The following PXDN variants were observed in gnomAD, a reference collection of about 807,000 sequenced individuals.
The protein encoded by PXDN is peroxidasin, also known as peroxidasin homolog.
A neutral mutation model predicts 140.3 loss-of-function variants in PXDN; 77 were observed. The ratio of observed to expected loss-of-function variants is 0.55; its 90% CI spans 0.46 to 0.66. The LOEUF (loss-of-function observed/expected upper bound fraction) is 0.66. Ranked by LOEUF, PXDN falls within the 30% of genes least tolerant of loss-of-function variation. The probability of loss-of-function intolerance (pLI) is 0.00; values close to 1 mark genes in which losing one functional copy is unlikely to be tolerated. For synonymous variants in PXDN, 911 were observed against 857.4 expected (o/e 1.06, Z -1.09); for missense variants, 1,838 against 2,039.5 (o/e 0.90, Z 1.90).
Position 1,639,524 on chromosome 2 carries a change from G to A in PXDN, c.3953-102C>T, listed in dbSNP as rs1028942980. The A allele has an allele frequency of 2.5e-5, 39 of 1,551,248 alleles. No homozygotes were observed. Among genetic ancestry groups the A allele is most frequent in the Non-Finnish European group, 3.2e-5 (37 of 1,138,752 alleles). On this transcript the variant is annotated intron_variant, in intron 19 of 22. Transcript: ENST00000252804. This position sits in a 1 kb window ranked among gnomAD's most constrained non-coding sequence, Gnocchi z 5.0. ...ATGAAGTCTTCACTGGCTGCCCGTGGAACAAACTGTGGCACATTTCAGTGA... is the reference window on the plus strand; with the variant it reads ...ATGAAGTCTTCACTGGCTGCCCGTGAAACAAACTGTGGCACATTTCAGTGA...
At chr2:1,679,098 G>GCATGCA (rs1294727711) in intron 7 of PXDN, among the ~76,000 whole-genome samples, 6 of 151,416 alleles carry the variant, frequency 4.0e-5, no homozygotes, top group Non-Finnish European at 8.9e-5. Context: ...ATGTGTGTGT[G>GCATGCA]TGTGTGTGTG....
At chr2:1,742,528 G>C (rs984323383) in intron 1 of PXDN, among the ~76,000 whole-genome samples, 2 of 152,184 alleles carry the variant, frequency 1.3e-5, no homozygotes, top group Non-Finnish European at 2.9e-5. Context: ...TGTGTCCTAC[G>C]ACACTTATTT....
At chr2:1,661,906 GA>G (rs1379938813) in intron 13 of PXDN, among the ~76,000 whole-genome samples, 165 bp downstream of exon 13, 1 of 152,198 alleles carries the variant, frequency 6.6e-6, no homozygotes, top group Non-Finnish European at 1.5e-5. Flanking sequence ...GTCTATAGAG[GA>G]AGTGGGCAGG....
At chr2:1,635,639 G>T in intron 21 of PXDN, 118 bp from the exon 22 acceptor site, 1 of 810,998 alleles carries the variant, frequency 1.2e-6, no homozygotes, top group Admixed American at 2.0e-5. Flanking sequence ...CATTTGAGGG[G>T]AATATTTCTG....
At chr2:1,713,072 A>T (rs1366371931) in intron 1 of PXDN, among the ~76,000 whole-genome samples, 1 of 152,080 alleles carries the variant, frequency 6.6e-6, no homozygotes, top group Non-Finnish European at 1.5e-5. Flanking sequence ...TACTCCTTTA[A>T]TTAAAAGTAA....
rs535986217 is a variant in PXDN at position 1,714,960 on chromosome 2, C to T, written c.201-21826G>A. Among the ~76,000 whole-genome samples the T allele has an allele frequency of 3.9e-5, 6 of 152,164 alleles. No individual in the cohort carries two copies. The East Asian group carries it at 1.2e-3, about 29-fold the overall frequency. On this transcript the variant is annotated intron_variant, in intron 1 of 22. Transcript: ENST00000252804. The surrounding 1 kb of genome is among the most constrained non-coding windows in gnomAD (Gnocchi z 4.3). ...TCTTTTGGGAGCATCAGGTTTTAGG[C>T]GACATATGAACACGCCACCCATTAA...
chr2:1,695,441 AGAGAGGTG>A lies in PXDN; in HGVS notation c.201-2315_201-2308del, dbSNP rs1356096285. 6.2e-4 allele frequency among the ~76,000 whole-genome samples: 76 copies of A among 122,678 alleles called. 4 individuals are homozygous for A. Among genetic ancestry groups the A allele is most frequent in the Non-Finnish European group, 2.1e-4 (12 of 57,038 alleles). The allele number at this position is 122,678 out of a possible 152,430, so 80.5% of individuals were successfully genotyped here. A position where few individuals can be genotyped will look rare whatever the true frequency, so the allele number is the denominator to read the frequency against. The stretch of plus-strand genomic sequence containing the variant: ...CACAGGCCCCTGTGCCCTGCTGGAC[AGAGAGGTG>A]CTGTCCCATCCACAGGCCCCTGTGC... On this transcript the variant is annotated intron_variant, in intron 1 of 22. Coordinates refer to ENST00000252804, the MANE Select transcript of PXDN (RefSeq NM_012293.3).
At chr2:1,737,993 G>A (rs544963914) in intron 1 of PXDN, among the ~76,000 whole-genome samples, 2 of 152,304 alleles carry the variant, frequency 1.3e-5, no homozygotes, top group East Asian at 3.9e-4. Context: ...GTCACATGCA[G>A]GTGGTCTGGC....
intron 17 of PXDN, among the ~76,000 whole-genome samples, chr2:1,645,273 G>C (rs1209739444): frequency 6.6e-6 from 1 of 152,080 alleles, no homozygotes; most frequent in African/African-American, 2.4e-5. Context: ...AAAAAACTTA[G>C]GTTTATGTGT....
At chr2:1,728,170 T>G (rs1477316944) in intron 1 of PXDN, among the ~76,000 whole-genome samples, 1 of 152,160 alleles carries the variant, frequency 6.6e-6, no homozygotes, top group Non-Finnish European at 1.5e-5. Flanking sequence ...AATCCCGAGC[T>G]CAAGAGATCC....
chr2:1,684,636 A>G (rs1684007733), intron 4 of PXDN, among the ~76,000 whole-genome samples: 2 of 152,186 alleles, frequency 1.3e-5, no homozygotes, highest in Admixed American at 6.5e-5. Context: ...CTTCAAGACC[A>G]CAAAGGAAAC....
rs1041868749 is a variant in PXDN, at chr2:1,692,695, A to C, written c.272+368T>G. 3.5e-5 allele frequency: 16 copies of C among 453,404 alleles called. No individual in the cohort carries two copies. The Admixed American group carries it at 3.6e-4, about 10-fold the overall frequency. The allele number at this position is 453,404 out of a possible 1,614,324, so 28.1% of individuals were successfully genotyped here. A position where few individuals can be genotyped will look rare whatever the true frequency, so the allele number is the denominator to read the frequency against. On this transcript the variant is annotated intron_variant, in intron 2 of 22. Coordinates refer to ENST00000252804, the MANE Select transcript of PXDN (RefSeq NM_012293.3). ...CACTTAAGTCCACTCCACACTCAGA[A>C]GAAGCACTGTCCTGCTCAATCTTGC...
At chr2:1,665,445 T>C (rs1258411586) in intron 10 of PXDN, among the ~76,000 whole-genome samples, 1 of 152,238 alleles carries the variant, frequency 6.6e-6, no homozygotes, top group Non-Finnish European at 1.5e-5. Flanking sequence ...TGCCATCTGG[T>C]ATAGCTGTGT....
rs188603391 is a variant in PXDN, at chr2:1,720,541, C to T, written c.200+23715G>A. The stretch of plus-strand genomic sequence containing the variant: ...AGTCTGCAGGGAGTGCCTCGCTCCA[C>T]GCTTTCTCACACCACCTGCTCCAGA... On this transcript the variant is annotated intron_variant, in intron 1 of 22. Transcript: ENST00000252804. Among the ~76,000 whole-genome samples the T allele has an allele frequency of 3.9e-5, 6 of 152,128 alleles. No homozygotes were observed. In the East Asian group the frequency reaches 5.8e-4, roughly 15 times the overall value.
chr2:1,653,161 T>C (rs550074702), intron 16 of PXDN: 1 of 259,912 alleles, frequency 3.8e-6, no homozygotes, highest in Admixed American at 4.7e-5. Flanking sequence ...CAACAGCATC[T>C]CCACACCAGC....
upstream of PXDN, chr2:1,744,580 T>A (rs1272840605): frequency 1.3e-6 from 1 of 793,542 alleles, no homozygotes; most frequent in Non-Finnish European, 1.7e-6. Flanking sequence ...GCTGTGCACA[T>A]GCGCGAGGCT....
intron 11 of PXDN, chr2:1,664,010 A>C: frequency 2.0e-6 from 1 of 499,914 alleles, no homozygotes; most frequent in Non-Finnish European, 3.6e-6. Context: ...AGCACTACAC[A>C]GGGGGCCAGG....
intron 3 of PXDN, among the ~76,000 whole-genome samples, chr2:1,691,319 C>T (rs1471453378): frequency 1.3e-5 from 2 of 152,144 alleles, no homozygotes. Flanking sequence ...CCAGTACTTC[C>T]CAGGAAGCTC....
At chr2:1,720,703 CTCTT>C (rs1335164380) in intron 1 of PXDN, among the ~76,000 whole-genome samples, 1 of 64,190 alleles carries the variant, frequency 1.6e-5, no homozygotes, top group Non-Finnish European at 3.1e-5. Flanking sequence ...CTCTCTGCAT[CTCTT>C]TCTCTCTCTC....
Sources: allele counts gnomAD v4.1 joint callset (sites outside exome capture counted in the v4.1 genomes callset), GRCh38; gene constraint gnomAD v4.1.1; non-coding constraint Gnocchi (gnomAD v3.1); transcripts MANE v1.5; gene names NCBI Gene and HGNC (gene_info 2026-07-23, HGNC 2026-07-21).